Variants in SLCO6A1 observed in about 807,000 individuals in gnomAD.
SLCO6A1 encodes the protein solute carrier organic anion transporter family member 6A1, also known as cancer/testis antigen 48.
Under a neutral mutation model 72.7 loss-of-function variants are expected in SLCO6A1, and 65 were observed. The ratio of observed to expected loss-of-function variants is 0.89; its 90% CI spans 0.73 to 1.10. The LOEUF (loss-of-function observed/expected upper bound fraction) is 1.10, where lower values mean the gene tolerates loss of function less well. Ranked by LOEUF, SLCO6A1 falls within the 50% of genes least tolerant of loss-of-function variation. SLCO6A1 has a pLI of 0.00. For synonymous variants in SLCO6A1, 314 were observed against 298.2 expected, an observed-to-expected ratio of 1.05 and a Z score of -0.55; for missense variants, 874 against 872.6, an observed-to-expected ratio of 1.00 and a Z score of -0.02.
chr5:102,381,040 A>T (rs1195182386), intron 12 of SLCO6A1, among the ~76,000 whole-genome samples: 1 of 151,972 alleles, frequency 6.6e-6, no homozygotes. Context: ...TGATTAAATC[A>T]ATGTATTTAA....
In SLCO6A1 at chr5:102,458,509, A is replaced by G. The variant is rs1162161088; in HGVS notation, c.1022-18T>C. Reference sequence around the variant, plus strand: ...TGTTGAACCTATATATAAACAAGTAAAAAAACTTATGACATATTCAAATAA... The same window carrying G: ...TGTTGAACCTATATATAAACAAGTAGAAAAACTTATGACATATTCAAATAA... On this transcript the variant is annotated intron_variant, in intron 5 of 13. Transcript: ENST00000506729. 6.4e-7 allele frequency: 1 copy of G among 1,567,438 alleles called. No homozygotes were observed. The highest frequency in any genetic ancestry group is 8.7e-7 in the Non-Finnish European group (1 of 1,148,164).
chr5:102,391,233 C>T, intron 10 of SLCO6A1, 188 bp from the exon 11 acceptor site: 1 of 572,816 alleles, frequency 1.7e-6, no homozygotes, highest in Non-Finnish European at 3.1e-6. Context: ...TATCCTGCCC[C>T]TTGCCAGCCA....
At chr5:102,379,891 AT>A (rs1746016758) in intron 12 of SLCO6A1, among the ~76,000 whole-genome samples, 1 of 151,076 alleles carries the variant, frequency 6.6e-6, no homozygotes, top group Non-Finnish European at 1.5e-5. Flanking sequence ...ATTTATTTAG[AT>A]TTTATTTAAT....
chr5:102,459,364 G>C (rs1249979812), intron 5 of SLCO6A1, among the ~76,000 whole-genome samples: 1 of 152,128 alleles, frequency 6.6e-6, no homozygotes, highest in African/African-American at 2.4e-5. Context: ...AGTCTGCAGT[G>C]ATCTGTGATC....
chr5:102,392,303 C>T (rs1253671690), intron 10 of SLCO6A1, among the ~76,000 whole-genome samples: 1 of 151,870 alleles, frequency 6.6e-6, no homozygotes, highest in Admixed American at 6.6e-5. Flanking sequence ...AAATAATTTA[C>T]ACTTTCATTA....
At chr5:102,413,218 G>A in intron 8 of SLCO6A1, 75 bp from the exon 9 acceptor site, 1 of 1,366,350 alleles carries the variant, frequency 7.3e-7, no homozygotes. Context: ...AGATATCAGT[G>A]AGATCCATAA....
chr5:102,479,409 A>T (rs1276410957), intron 2 of SLCO6A1, among the ~76,000 whole-genome samples: 1 of 152,168 alleles, frequency 6.6e-6, no homozygotes, highest in African/African-American at 2.4e-5. Flanking sequence ...GCAGTCTGAG[A>T]ATAGACAAAT....
chr5:102,411,235 G>A (rs1488707421), intron 9 of SLCO6A1, among the ~76,000 whole-genome samples: 1 of 151,730 alleles, frequency 6.6e-6, no homozygotes, highest in Non-Finnish European at 1.5e-5. Flanking sequence ...ATGTGTGTGT[G>A]TGTTTGTGTG....
At chr5:102,422,240 C>G (rs142167281) in intron 7 of SLCO6A1, among the ~76,000 whole-genome samples, 251 of 152,294 alleles carry the variant, frequency 1.6e-3, no homozygotes, top group African/African-American at 5.7e-3. Flanking sequence ...CAACTCCTCA[C>G]CAGCAAGGGA....
intron 10 of SLCO6A1, among the ~76,000 whole-genome samples, chr5:102,394,206 G>A (rs1580346104): frequency 6.6e-6 from 1 of 152,066 alleles, no homozygotes; most frequent in Admixed American, 6.6e-5. Flanking sequence ...CTCTATATGA[G>A]CATTGACCTG....
intron 6 of SLCO6A1, among the ~76,000 whole-genome samples, chr5:102,449,095 A>T (rs1168529533): frequency 2.6e-5 from 4 of 152,126 alleles, no homozygotes; most frequent in Non-Finnish European, 4.4e-5. Flanking sequence ...TTGTCTAAAA[A>T]GTATTTTATT....
At chr5:102,478,906 T>A (rs1752046599) in intron 2 of SLCO6A1, among the ~76,000 whole-genome samples, 1 of 152,218 alleles carries the variant, frequency 6.6e-6, no homozygotes. Flanking sequence ...ACAACTGTCA[T>A]TCAAATGCCA....
At chr5:102,455,482 A>G (rs1036607765) in intron 6 of SLCO6A1, among the ~76,000 whole-genome samples, 6 of 152,280 alleles carry the variant, frequency 3.9e-5, no homozygotes, top group African/African-American at 1.4e-4. Flanking sequence ...TTTTAACTCT[A>G]CAATGTCTAT....
At chr5:102,486,525 A>T (rs754059850) in intron 1 of SLCO6A1, among the ~76,000 whole-genome samples, 12 of 152,158 alleles carry the variant, frequency 7.9e-5, no homozygotes, top group Non-Finnish European at 1.8e-4. Flanking sequence ...AACTGAGGTT[A>T]ATTTATAAAA....
At chr5:102,381,475 G>A (rs1368673742) in intron 12 of SLCO6A1, among the ~76,000 whole-genome samples, 1 of 151,522 alleles carries the variant, frequency 6.6e-6, no homozygotes, top group Non-Finnish European at 1.5e-5. Flanking sequence ...CTATTTATCT[G>A]TCAATGAGCA....
intron 7 of SLCO6A1, among the ~76,000 whole-genome samples, chr5:102,435,684 G>A (rs190066134): frequency 1.3e-5 from 2 of 152,256 alleles, no homozygotes; most frequent in Admixed American, 6.5e-5. Flanking sequence ...CGACCTGCCT[G>A]AGCAACATGG....
intron 12 of SLCO6A1, among the ~76,000 whole-genome samples, chr5:102,382,669 T>C (rs990599851): frequency 1.1e-4 from 17 of 151,522 alleles, no homozygotes. Context: ...TTCATCAATC[T>C]CTTATGATTT....
chr5:102,477,815 A>G lies in SLCO6A1; in HGVS notation c.663T>C (p.Gly221=). ...IKVVSGCQSS[G]ISFQSKYLSF... ...ACAGGTATTTTGATTGGAATGATAT[A>G]CCACTGCTCTGGCAACCACTGACAA... Residue 221 remains glycine (G), a synonymous_variant, in exon 3 of 14, where the codon GGT becomes GGC. Transcript: ENST00000506729. 1 of 1,613,294 alleles carries G rather than the reference A, an allele frequency of 6.2e-7. No individual in the cohort carries two copies. Among genetic ancestry groups the G allele is most frequent in the Non-Finnish European group, 8.5e-7 (1 of 1,179,530 alleles).
At chr5:102,420,055 A>T (rs1748508333) in intron 7 of SLCO6A1, 34 bp from the exon 8 acceptor site, 1 of 1,508,690 alleles carries the variant, frequency 6.6e-7, no homozygotes, top group Admixed American at 2.5e-5. Context: ...ACAGTTAAAA[A>T]TAATCAGCTG....
Sources: allele counts gnomAD v4.1 joint callset (sites outside exome capture counted in the v4.1 genomes callset), GRCh38; gene constraint gnomAD v4.1.1; transcripts MANE v1.5; gene names NCBI Gene and HGNC (gene_info 2026-07-23, HGNC 2026-07-21).